Variants in ANKRD31 observed in about 807,000 individuals in gnomAD.
The protein encoded by ANKRD31 is ankyrin repeat domain-containing protein 31.
A neutral mutation model predicts 186.0 loss-of-function variants in ANKRD31; 147 were observed. The ratio of observed to expected loss-of-function variants is 0.79; its 90% CI spans 0.69 to 0.91. The LOEUF is 0.91. Ranked by LOEUF, ANKRD31 falls within the 40% of genes least tolerant of loss-of-function variation. The pLI is 0.00. For missense variants in ANKRD31, 1,986 were observed against 2,148.8 expected (o/e 0.92, Z 1.50); for synonymous variants, 673 against 736.4 (o/e 0.91, Z 1.39).
At chr5:75,187,771 C>T (rs1413177917) in intron 10 of ANKRD31, among the ~76,000 whole-genome samples, 1 of 152,124 alleles carries the variant, frequency 6.6e-6, no homozygotes, top group East Asian at 1.9e-4. Flanking sequence ...AAATCACTTG[C>T]TTGTCCCTGG....
intron 11 of ANKRD31, among the ~76,000 whole-genome samples, chr5:75,166,074 G>T (rs1752900549): frequency 6.6e-6 from 1 of 151,984 alleles, no homozygotes; most frequent in South Asian, 2.1e-4. Context: ...ATTATGTCTG[G>T]GATTTCTTTA....
At position 75,084,323 on chromosome 5, in the gene ANKRD31, T is replaced by TG; in HGVS notation, c.5523dup (p.Ile1842HisfsTer24). The TG allele has an allele frequency of 1.3e-6, 2 of 1,537,188 alleles. No homozygotes were observed. Among genetic ancestry groups the TG allele is most frequent in the Non-Finnish European group, 1.7e-6 (2 of 1,146,874 alleles). On this transcript the variant is annotated frameshift_variant, in exon 24 of 26. Coordinates refer to ENST00000506364, the MANE Select transcript of ANKRD31 (RefSeq NM_001372053.1). LOFTEE classifies it high-confidence loss of function. ...GGTACTGAGTTTGGTTCTGGAAGTA[T>TG]GGGTGCATCCTCAGAAACATACCTT... is the stretch of plus-strand genomic sequence containing the variant.
intron 2 of ANKRD31, among the ~76,000 whole-genome samples, chr5:75,228,150 A>T (rs1757742516): frequency 6.6e-6 from 1 of 152,226 alleles, no homozygotes; most frequent in Admixed American, 6.5e-5. Context: ...TTTGATTGAC[A>T]TCAAATGAAG....
chr5:75,115,689 C>A (rs1008034428), intron 19 of ANKRD31, among the ~76,000 whole-genome samples: 4 of 151,990 alleles, frequency 2.6e-5, no homozygotes, highest in Non-Finnish European at 4.4e-5. Flanking sequence ...CAGAGAAATG[C>A]AAATCAAAAC....
intron 14 of ANKRD31, among the ~76,000 whole-genome samples, chr5:75,145,163 T>C (rs1751345055): frequency 2.0e-5 from 3 of 152,096 alleles, no homozygotes; most frequent in African/African-American, 7.2e-5. Context: ...GTTCAACCAT[T>C]ATGGAAGACA....
chr5:75,147,146 A>G lies in ANKRD31; in HGVS notation c.2265T>C (p.Pro755=), dbSNP rs1561476983. 1 of 1,536,310 alleles carries G rather than the reference A, an allele frequency of 6.5e-7. No homozygotes were observed. Among genetic ancestry groups the G allele is most frequent in the Non-Finnish European group, 8.7e-7 (1 of 1,146,284 alleles). The change falls in exon 14 of 26, where the codon CCT becomes CCC. Residue 755 remains proline (P), a synonymous_variant. Coordinates refer to ENST00000506364, the MANE Select transcript of ANKRD31 (RefSeq NM_001372053.1). ...CNPRKILAVS[P]SRRINRLVTY... ...TAACCAATCTGTTTATTCTCCTGGA[A>G]GGAGAGACAGCTAGTATCTTTCTTG... is the stretch of plus-strand genomic sequence containing the variant.
At chr5:75,136,613 T>C (rs1202868670) in intron 17 of ANKRD31, among the ~76,000 whole-genome samples, 2 of 152,236 alleles carry the variant, frequency 1.3e-5, no homozygotes, top group Admixed American at 6.5e-5. Context: ...TGGCGATTCC[T>C]CAAGGATCTA....
intron 25 of ANKRD31, among the ~76,000 whole-genome samples, chr5:75,068,889 C>T (rs897005097): frequency 2.0e-5 from 3 of 151,860 alleles, no homozygotes; most frequent in African/African-American, 7.3e-5. Context: ...TCTAAAACAT[C>T]AGCAGAAAAA....
Position 75,104,670 on chromosome 5 carries a change from T to C in ANKRD31, c.4889A>G (p.His1630Arg). Residue 1630 changes from histidine (H) to arginine (R), a missense_variant, in exon 22 of 26, where the codon CAT becomes CGT. Transcript: ENST00000506364. Reference sequence around the variant, plus strand: ...TACTGGGGAAGAAACATAGAATTCATGGTCTTTGTCTGTAGCTTCTGTAAG... The same window carrying C: ...TACTGGGGAAGAAACATAGAATTCACGGTCTTTGTCTGTAGCTTCTGTAAG... ...NDLTEATDKDHEFYVSSPVIG... is the reference protein window; with the variant it reads ...NDLTEATDKDREFYVSSPVIG... 6.5e-7 allele frequency: 1 copy of C among 1,535,890 alleles called. No individual in the cohort carries two copies. Among genetic ancestry groups the C allele is most frequent in the South Asian group, 1.2e-5 (1 of 83,688 alleles).
intron 22 of ANKRD31, among the ~76,000 whole-genome samples, chr5:75,096,335 C>T (rs1192375815): frequency 6.6e-6 from 1 of 152,078 alleles, no homozygotes; most frequent in African/African-American, 2.4e-5. Flanking sequence ...TGTCCATGTC[C>T]TTTGCTCACT....
chr5:75,233,799 C>T (rs1056701577), intron 1 of ANKRD31, among the ~76,000 whole-genome samples: 9 of 151,892 alleles, frequency 5.9e-5, no homozygotes, highest in Admixed American at 2.0e-4. Flanking sequence ...GCCTGTAGTC[C>T]CAGCTACTCA....
At chr5:75,235,984 C>G (rs1364986304) in intron 1 of ANKRD31, among the ~76,000 whole-genome samples, 1 of 152,208 alleles carries the variant, frequency 6.6e-6, no homozygotes, top group Non-Finnish European at 1.5e-5. Context: ...TACGATCCAA[C>G]TTAAGTCCCA....
At chr5:75,087,797 G>GA (rs1745616547) in intron 23 of ANKRD31, among the ~76,000 whole-genome samples, 1 of 152,118 alleles carries the variant, frequency 6.6e-6, no homozygotes, top group Non-Finnish European at 1.5e-5. Flanking sequence ...ATATAAGACA[G>GA]AAAGTAGTTT....
intron 10 of ANKRD31, 104 bp downstream of exon 10, chr5:75,188,389 T>C (rs1329550199): frequency 8.8e-7 from 1 of 1,142,308 alleles, no homozygotes; most frequent in African/African-American, 1.6e-5. Flanking sequence ...AAGCCTTCTG[T>C]TTGGAACTTA....
intron 22 of ANKRD31, among the ~76,000 whole-genome samples, chr5:75,091,969 G>A (rs1012882053): frequency 9.2e-5 from 14 of 152,016 alleles, no homozygotes; most frequent in African/African-American, 2.9e-4. Flanking sequence ...AGAGGCAAAC[G>A]GAAAACACAT....
chr5:75,221,271 T>A (rs552114449), intron 3 of ANKRD31, among the ~76,000 whole-genome samples: 1 of 152,110 alleles, frequency 6.6e-6, no homozygotes, highest in Non-Finnish European at 1.5e-5. Context: ...CCAAAAAAAT[T>A]GATTCTCAGA....
chr5:75,171,045 C>CA (rs1167616054), intron 10 of ANKRD31, among the ~76,000 whole-genome samples: 1 of 151,894 alleles, frequency 6.6e-6, no homozygotes, highest in African/African-American at 2.4e-5. Context: ...AGGATTTTAA[C>CA]ATCTCTCTAA....
intron 25 of ANKRD31, among the ~76,000 whole-genome samples, chr5:75,079,543 C>T (rs1744923824): frequency 6.6e-6 from 1 of 151,784 alleles, no homozygotes. Context: ...GGCATGATCT[C>T]AGCTTACTGC....
At chr5:75,223,486 T>C (rs1481794314) in intron 2 of ANKRD31, among the ~76,000 whole-genome samples, 1 of 152,196 alleles carries the variant, frequency 6.6e-6, no homozygotes, top group Non-Finnish European at 1.5e-5. Flanking sequence ...AGTTTTTGTT[T>C]CCAAAATGGC....
Sources: gnomAD v4.1 joint callset for allele counts (sites outside exome capture counted in the v4.1 genomes callset) on GRCh38, gnomAD v4.1.1 for gene constraint, MANE v1.5 for transcripts, NCBI Gene and HGNC (gene_info 2026-07-23, HGNC 2026-07-21) for gene names.